Variants in SOD2 observed in about 807,000 individuals in gnomAD.
SOD2 encodes the protein superoxide dismutase [Mn], mitochondrial.
A neutral mutation model predicts 27.0 loss-of-function variants in SOD2; 11 were observed. That is an observed-to-expected ratio of 0.41 (90% CI 0.26 to 0.67). SOD2 has a LOEUF of 0.67. Ranked by LOEUF, SOD2 falls within the 30% of genes least tolerant of loss-of-function variation. The pLI, the probability that SOD2 is intolerant of heterozygous loss-of-function variation, is 0.34. For synonymous variants in SOD2, 105 were observed against 103.0 expected (o/e 1.02, Z -0.12); for missense variants, 250 against 274.5 (o/e 0.91, Z 0.63).
chr6:159,697,926 G>C (rs1285452515), upstream of SOD2, among the ~76,000 whole-genome samples: 1 of 152,140 alleles, frequency 6.6e-6, no homozygotes, highest in East Asian at 1.9e-4. Context: ...GATCATCTGA[G>C]GTCGGGAAAT....
chr6:159,753,655 G>T, intron 1 of SOD2: 1 of 1,565,496 alleles, frequency 6.4e-7, no homozygotes, highest in Non-Finnish European at 8.6e-7. Context: ...TCTCAACTTT[G>T]CATTGGCTTT....
At chr6:159,762,065 C>G (rs779422593) in exon 1 of SOD2, 1 of 1,612,018 alleles carries the variant, frequency 6.2e-7, no homozygotes, top group Non-Finnish European at 8.5e-7. Context: ...CAGCGCAGGG[C>G]AGACGGCGGC....
At chr6:159,707,415 T>TA (rs1332807798) in intron 1 of SOD2, among the ~76,000 whole-genome samples, 2 of 151,890 alleles carry the variant, frequency 1.3e-5, no homozygotes, top group Non-Finnish European at 2.9e-5. Context: ...ATAGATGCAA[T>TA]AAAAAATGTT....
At chr6:159,759,501 C>G (rs897528036) in intron 1 of SOD2, among the ~76,000 whole-genome samples, 3 of 151,560 alleles carry the variant, frequency 2.0e-5, no homozygotes, top group Non-Finnish European at 4.4e-5. Flanking sequence ...GAAACCCCGT[C>G]TTTACTAAAA....
intron 1 of SOD2, among the ~76,000 whole-genome samples, chr6:159,744,385 G>A (rs918393902): frequency 5.3e-5 from 8 of 152,118 alleles, no homozygotes; most frequent in African/African-American, 1.9e-4. Flanking sequence ...CCTTGTTTCT[G>A]ATTTTAAAAT....
In SOD2 at chr6:159,672,403, ACT is replaced by A. The variant is rs1047018025; in HGVS notation, c.*10088_*10089del. On this transcript the variant is annotated 3_prime_UTR_variant, in exon 5 of 5. Transcript: ENST00000538183. ...ACTAACAGCTGATCTCTCAGCAGAAACTCTACAAGCCAGAAGAGAGTGGGGGT... is the reference window on the plus strand; with the variant it reads ...ACTAACAGCTGATCTCTCAGCAGAAACTACAAGCCAGAAGAGAGTGGGGGT... 6 of 152,314 alleles carry A rather than the reference ACT, an allele frequency of 3.9e-5. No homozygotes were observed. In the East Asian group the frequency reaches 1.2e-3, roughly 29 times the overall value. The allele number at this position is 152,314 out of a possible 1,614,324, so 9.4% of individuals were successfully genotyped here. A position where few individuals can be genotyped will look rare whatever the true frequency, so the allele number is the denominator to read the frequency against.
chr6:159,720,768 A>G (rs1195110117), intron 1 of SOD2, among the ~76,000 whole-genome samples: 1 of 147,960 alleles, frequency 6.8e-6, no homozygotes, highest in Non-Finnish European at 1.5e-5. Context: ...TTGTCCCACT[A>G]TTACTGATAC....
At chr6:159,692,894 C>T in intron 1 of SOD2, 31 bp from the exon 2 acceptor site, 1 of 1,546,748 alleles carries the variant, frequency 6.5e-7, no homozygotes, top group Non-Finnish European at 8.7e-7. Flanking sequence ...CCCGGTCAGT[C>T]AGCGCCGCGG....
chr6:159,749,795 T>C (rs1480079326), upstream of SOD2, among the ~76,000 whole-genome samples: 7 of 152,216 alleles, frequency 4.6e-5, no homozygotes, highest in Admixed American at 4.6e-4. Context: ...CATTTAATCA[T>C]TTAGATAAAT....
intron 1 of SOD2, among the ~76,000 whole-genome samples, chr6:159,725,235 T>G (rs1017385233): frequency 1.3e-5 from 2 of 152,284 alleles, no homozygotes; most frequent in South Asian, 4.1e-4. Flanking sequence ...TCCCAGCACT[T>G]TGGGAGGCCA....
At chr6:159,736,341 TG>T (rs1562455267) in intron 1 of SOD2, 2 of 1,486,940 alleles carry the variant, frequency 1.3e-6, no homozygotes, top group South Asian at 1.2e-5. Flanking sequence ...TTGGGTTTTT[TG>T]GGGGCTTTTT....
At chr6:159,759,796 C>A (rs906468553) in intron 1 of SOD2, among the ~76,000 whole-genome samples, 1 of 152,124 alleles carries the variant, frequency 6.6e-6, no homozygotes, top group Admixed American at 6.5e-5. Context: ...TCTGTTTGGC[C>A]ACTCAGCAGA....
rs1779704319 is a variant in SOD2 at position 159,673,117 on chromosome 6, CA to C, written c.*9375del. 2 of 152,166 alleles carry C rather than the reference CA, an allele frequency of 1.3e-5. 1 individual carries two copies. The highest frequency in any genetic ancestry group is 1.3e-4 in the Admixed American group (2 of 15,270). 9.4% of individuals were successfully genotyped at this position (152,166 alleles called of 1,614,324 possible). On this transcript the variant is annotated 3_prime_UTR_variant, in exon 5 of 5. Transcript: ENST00000538183. The stretch of plus-strand genomic sequence containing the variant: ...CATAAACCAAGTCCTTAGAGACCTA[CA>C]AAGAGATTTAGACTCCCACACAATA...
At chr6:159,710,270 C>CATATATATATATATAT (rs141490345) in intron 1 of SOD2, among the ~76,000 whole-genome samples, 41 of 143,486 alleles carry the variant, frequency 2.9e-4, no homozygotes, top group African/African-American at 8.9e-4. Context: ...AGTATAAATA[C>CATATATATATATATAT]ATATATATAT....
upstream of SOD2, among the ~76,000 whole-genome samples, chr6:159,696,902 T>C (rs982271449): frequency 2.6e-5 from 4 of 151,926 alleles, no homozygotes; most frequent in African/African-American, 9.7e-5. Context: ...CTGGGTGTGG[T>C]AGCATGTGCC....
rs141122312 is a variant in SOD2, at chr6:159,750,414, A to G, written c.-335-1738T>C. On this transcript the variant is annotated intron_variant, in intron 1 of 7. Transcript: ENST00000546087. Reference sequence around the variant, plus strand: ...AAGATAATACATGCTTATGTATAAAATTGAAATACTGTAGAGAAAGGGGGA... The same window carrying G: ...AAGATAATACATGCTTATGTATAAAGTTGAAATACTGTAGAGAAAGGGGGA... Among the ~76,000 whole-genome samples the G allele has an allele frequency of 2.0e-5, 3 of 152,324 alleles. No homozygotes were observed. The East Asian group carries it at 5.8e-4, about 29-fold the overall frequency.
upstream of SOD2, chr6:159,748,802 A>G: frequency 8.1e-7 from 1 of 1,232,624 alleles, no homozygotes. This position sits in a 1 kb window ranked among gnomAD's most constrained non-coding sequence, Gnocchi z 5.6. Flanking sequence ...AAATTCCAGT[A>G]AAATGTAAAA....
At chr6:159,739,287 T>C (rs902040664) in intron 1 of SOD2, among the ~76,000 whole-genome samples, 1 of 152,228 alleles carries the variant, frequency 6.6e-6, no homozygotes, top group Non-Finnish European at 1.5e-5. Context: ...TGTGTAGTTT[T>C]TCCTTTCGTG....
At chr6:159,713,582 T>C (rs1321587427) in intron 1 of SOD2, 2 of 878,622 alleles carry the variant, frequency 2.3e-6, no homozygotes, top group African/African-American at 3.3e-5. Flanking sequence ...GTTATCCCAT[T>C]TGGCACAATT....
Sources: gnomAD v4.1 joint callset for allele counts (sites outside exome capture counted in the v4.1 genomes callset) on GRCh38, gnomAD v4.1.1 for gene constraint, Gnocchi (gnomAD v3.1) non-coding constraint, MANE v1.5 for transcripts, NCBI Gene and HGNC (gene_info 2026-07-23, HGNC 2026-07-21) for gene names.